PCDHGA6: variants seen among roughly 807,000 people sequenced by gnomAD.
PCDHGA6 encodes the protein protocadherin gamma subfamily A, 6.
Under a neutral mutation model 60.6 loss-of-function variants are expected in PCDHGA6, and 41 were observed. The ratio of observed to expected loss-of-function variants is 0.68; its 90% CI spans 0.53 to 0.88. PCDHGA6 has a LOEUF of 0.88. Among genes scored for constraint, PCDHGA6 ranks in the 40% least tolerant of loss-of-function variants. PCDHGA6 has a pLI of 0.00. For synonymous variants in PCDHGA6, 594 were observed against 524.4 expected (o/e 1.13, Z -1.81); for missense variants, 1,312 against 1,203.0 (o/e 1.09, Z -1.34).
Position 141,491,547 on chromosome 5 carries a change from G to C in PCDHGA6, c.2425-3260G>C. On this transcript the variant is annotated intron_variant, in intron 1 of 3. Coordinates refer to ENST00000517434, the MANE Select transcript of PCDHGA6 (RefSeq NM_018919.3). This position sits in a 1 kb window ranked among gnomAD's most constrained non-coding sequence, Gnocchi z 6.9. Reference sequence around the variant, plus strand: ...AGGTGACGCTGCGGCCCACAGACTCGCAGAGCCACTGCTACAGGACGTGCT... The same window carrying C: ...AGGTGACGCTGCGGCCCACAGACTCCCAGAGCCACTGCTACAGGACGTGCT... 6.2e-7 allele frequency: 1 copy of C among 1,613,974 alleles called. No individual in the cohort carries two copies. The highest frequency in any genetic ancestry group is 8.5e-7 in the Non-Finnish European group (1 of 1,180,022).
chr5:141,385,200 C>G (rs776177043), intron 1 of PCDHGA6: 4 of 1,614,214 alleles, frequency 2.5e-6, no homozygotes, highest in Middle Eastern at 3.3e-4. Flanking sequence ...GGAAGAGTCA[C>G]CTGATCTTCC....
At chr5:141,481,844 G>A (rs552753850) in intron 1 of PCDHGA6, among the ~76,000 whole-genome samples, 7 of 151,350 alleles carry the variant, frequency 4.6e-5, no homozygotes, top group Admixed American at 1.3e-4. Context: ...TCGCTTGATG[G>A]TGGAGGTTGC....
At chr5:141,391,618 TA>T (rs2092399304) in intron 1 of PCDHGA6, 3 of 152,366 alleles carry the variant, frequency 2.0e-5, no homozygotes, top group African/African-American at 7.2e-5. Flanking sequence ...TGAGTGGTTT[TA>T]AGAAAGTTTT....
In PCDHGA6 at chr5:141,408,707, G is replaced by A. The variant is rs899200128; in HGVS notation, c.2424+32200G>A. On this transcript the variant is annotated intron_variant, in intron 1 of 3. Coordinates refer to ENST00000517434, the MANE Select transcript of PCDHGA6 (RefSeq NM_018919.3). ...TGATATAAACATAAACTCAATTAAAGATTATAAGATAAACTCTAATCCTTA... is the reference window on the plus strand; with the variant it reads ...TGATATAAACATAAACTCAATTAAAAATTATAAGATAAACTCTAATCCTTA... 1.9e-6 allele frequency: 3 copies of A among 1,612,764 alleles called. No homozygotes were observed. In the African/African-American group the frequency reaches 4.0e-5, roughly 22 times the overall value.
intron 1 of PCDHGA6, among the ~76,000 whole-genome samples, chr5:141,472,178 A>G (rs1337942457): frequency 6.6e-6 from 1 of 152,210 alleles, no homozygotes; most frequent in African/African-American, 2.4e-5. Flanking sequence ...AATATCCAGT[A>G]TTGGAATTTG....
chr5:141,388,426 T>A, intron 1 of PCDHGA6: 1 of 1,613,864 alleles, frequency 6.2e-7, no homozygotes, highest in Non-Finnish European at 8.5e-7. Flanking sequence ...TTCTCACTGA[T>A]AAATAAAGAG....
chr5:141,446,088 T>C (rs2098487177), intron 1 of PCDHGA6, among the ~76,000 whole-genome samples: 1 of 152,100 alleles, frequency 6.6e-6, no homozygotes, highest in African/African-American at 2.4e-5. Flanking sequence ...TAGAAATAAA[T>C]GGATGAATTA....
chr5:141,476,837 G>A lies in PCDHGA6; in HGVS notation c.2425-17970G>A, dbSNP rs1160244271. 4 of 1,613,534 alleles carry A rather than the reference G, an allele frequency of 2.5e-6. No individual in the cohort carries two copies. The highest frequency in any genetic ancestry group is 3.4e-6 in the Non-Finnish European group (4 of 1,180,054). On this transcript the variant is annotated intron_variant, in intron 1 of 3. Coordinates refer to ENST00000517434, the MANE Select transcript of PCDHGA6 (RefSeq NM_018919.3). The surrounding 1 kb of genome is among the most constrained non-coding windows in gnomAD (Gnocchi z 7.6). Reference sequence around the variant, plus strand: ...CAAGGTGCTGGACGCGAATGACAATGCGCCTGTCTTCAACCAGTCCTTGTA... The same window carrying A: ...CAAGGTGCTGGACGCGAATGACAATACGCCTGTCTTCAACCAGTCCTTGTA...
At chr5:141,421,354 G>T in intron 1 of PCDHGA6, 2 of 1,613,980 alleles carry the variant, frequency 1.2e-6, no homozygotes, top group Non-Finnish European at 1.7e-6. Context: ...GACCGAAAAG[G>T]GCTCCTTCGT....
intron 1 of PCDHGA6, chr5:141,441,971 G>T: frequency 3.3e-6 from 1 of 298,820 alleles, no homozygotes; most frequent in Non-Finnish European, 6.5e-6. Context: ...AGGCTCTTCA[G>T]CCTGGAATGC....
rs1475572413 is a variant in PCDHGA6, at chr5:141,432,843, T to G, written c.2424+56336T>G. The G allele has an allele frequency of 6.2e-7, 1 of 1,614,066 alleles. No homozygotes were observed. The highest frequency in any genetic ancestry group is 8.5e-7 in the Non-Finnish European group (1 of 1,180,020). ...TCAGACCTCACTCTGTACCTGGTGGTAGCGGTGGCCGCGGTCTCCTGCGTC... is the reference window on the plus strand; with the variant it reads ...TCAGACCTCACTCTGTACCTGGTGGGAGCGGTGGCCGCGGTCTCCTGCGTC... On this transcript the variant is annotated intron_variant, in intron 1 of 3. Coordinates refer to ENST00000517434, the MANE Select transcript of PCDHGA6 (RefSeq NM_018919.3). This position sits in a 1 kb window ranked among gnomAD's most constrained non-coding sequence, Gnocchi z 6.0.
Position 141,491,349 on chromosome 5 carries a change from C to G in PCDHGA6, c.2425-3458C>G. 6.2e-7 allele frequency: 1 copy of G among 1,614,168 alleles called. No individual in the cohort carries two copies. Among genetic ancestry groups the G allele is most frequent in the Non-Finnish European group, 8.5e-7 (1 of 1,180,016 alleles). ...TTGTGGCTCTAGCGACCGTCAGTCT[C>G]TTATCCCTAGTCACCTTCACCTTTC... is the stretch of plus-strand genomic sequence containing the variant. On this transcript the variant is annotated intron_variant, in intron 1 of 3. Transcript: ENST00000517434. The surrounding 1 kb of genome is among the most constrained non-coding windows in gnomAD (Gnocchi z 6.9).
intron 1 of PCDHGA6, chr5:141,405,052 C>G (rs182635391): frequency 4.3e-6 from 7 of 1,613,836 alleles, no homozygotes; most frequent in Non-Finnish European, 5.9e-6. Context: ...TGGCAGTCGT[C>G]TCCTGTGTCT....
chr5:141,384,788 G>C (rs765446040), intron 1 of PCDHGA6: 21 of 1,613,120 alleles, frequency 1.3e-5, no homozygotes, highest in African/African-American at 2.7e-5. Context: ...CGCACGGCTC[G>C]GGCCCTGCTG....
chr5:141,393,522 G>C, intron 1 of PCDHGA6: 2 of 1,614,030 alleles, frequency 1.2e-6, no homozygotes, highest in South Asian at 2.2e-5. Flanking sequence ...GGATACAAAT[G>C]ACAATGCCCC....
rs1770422956 is a variant in PCDHGA6 at position 141,374,363 on chromosome 5, G to T, written c.280G>T (p.Glu94Ter). 1.2e-6 allele frequency: 2 copies of T among 1,613,916 alleles called. No homozygotes were observed. The highest frequency in any genetic ancestry group is 2.7e-5 in the African/African-American group (2 of 74,952). Residue 94 changes from glutamate (E) to a stop codon, truncating the protein, a stop_gained, in exon 1 of 4, where the codon GAG (glutamate) becomes TAG (stop). Transcript: ENST00000517434. LOFTEE classifies it high-confidence loss of function. The stretch of plus-strand genomic sequence containing the variant: ...CACCGCGGGTAGGATAGACCGCGAG[G>T]AGCTCTGTGCTCAGAGCCCGCGGTG... ...LVTAGRIDREELCAQSPRCLV... is the reference protein window; with the variant it reads ...LVTAGRIDRE
At chr5:141,467,131 C>A (rs1441537783) in intron 1 of PCDHGA6, among the ~76,000 whole-genome samples, 1 of 151,702 alleles carries the variant, frequency 6.6e-6, no homozygotes, top group African/African-American at 2.4e-5. Flanking sequence ...CAGCTCACTG[C>A]AACCTCTGCC....
Position 141,490,709 on chromosome 5 carries a change from C to T in PCDHGA6, c.2425-4098C>T. ...GACACTGGGGATAATGCCCGCCTCA[C>T]CTACTCCATTGTAGGAAATCAGGTT... On this transcript the variant is annotated intron_variant, in intron 1 of 3. Transcript: ENST00000517434. This position sits in a 1 kb window ranked among gnomAD's most constrained non-coding sequence, Gnocchi z 5.4. The T allele has an allele frequency of 1.9e-6, 3 of 1,614,218 alleles. No homozygotes were observed. Among genetic ancestry groups the T allele is most frequent in the Non-Finnish European group, 2.5e-6 (3 of 1,180,038 alleles).
intron 3 of PCDHGA6, among the ~76,000 whole-genome samples, chr5:141,507,713 C>T (rs2099862763): frequency 6.6e-6 from 1 of 152,234 alleles, no homozygotes; most frequent in Non-Finnish European, 1.5e-5. Flanking sequence ...GGCCCCAAAC[C>T]CTCCAAGCAA....
Sources: gnomAD v4.1 joint callset for allele counts (sites outside exome capture counted in the v4.1 genomes callset) on GRCh38, gnomAD v4.1.1 for gene constraint, Gnocchi (gnomAD v3.1) non-coding constraint, MANE v1.5 for transcripts, NCBI Gene and HGNC (gene_info 2026-07-23, HGNC 2026-07-21) for gene names.